MMP17: variants seen among roughly 807,000 people sequenced by gnomAD.
MMP17 encodes matrix metalloproteinase-17.
A neutral mutation model predicts 49.1 loss-of-function variants in MMP17; 54 were observed. That is an observed-to-expected ratio of 1.10 (90% CI 0.88 to 1.38). The LOEUF (loss-of-function observed/expected upper bound fraction) is 1.38. Ranked by LOEUF, MMP17 falls within the 40% of genes most tolerant of loss-of-function variation. MMP17 has a pLI of 0.00. For synonymous variants in MMP17, 397 were observed against 383.1 expected (o/e 1.04, Z -0.42); for missense variants, 837 against 853.7 (o/e 0.98, Z 0.24).
At chr12:131,839,693 A>G (rs1301516282) in intron 3 of MMP17, among the ~76,000 whole-genome samples, 1 of 152,162 alleles carries the variant, frequency 6.6e-6, no homozygotes, top group Non-Finnish European at 1.5e-5. Context: ...CACGCCTGTA[A>G]TCATGGCACT....
At chr12:131,850,084 C>T in intron 9 of MMP17, 25 bp downstream of exon 9, 1 of 1,584,256 alleles carries the variant, frequency 6.3e-7, no homozygotes, top group African/African-American at 1.3e-5. Flanking sequence ...GGGGGACGGG[C>T]CATGCGGCCT....
At chr12:131,841,876 C>G (rs760129707) in intron 5 of MMP17, 76 bp downstream of exon 5, 1 of 1,449,842 alleles carries the variant, frequency 6.9e-7, no homozygotes, top group Non-Finnish European at 9.2e-7. Context: ...TGAGCAGAGC[C>G]CCCCCGGGAG....
At position 131,846,268 on chromosome 12, in the gene MMP17, G is replaced by A. The variant is rs1281543727; in HGVS notation, c.1204+819G>A. Among the ~76,000 whole-genome samples, 2 of 152,140 alleles carry A rather than the reference G, an allele frequency of 1.3e-5. No individual in the cohort carries two copies. The highest frequency in any genetic ancestry group is 2.1e-4 in the South Asian group (1 of 4,820). On this transcript the variant is annotated intron_variant, in intron 8 of 9. Coordinates refer to ENST00000360564, the MANE Select transcript of MMP17 (RefSeq NM_016155.7). The surrounding 1 kb of genome is among the most constrained non-coding windows in gnomAD (Gnocchi z 4.6). ...TGTCACCCTCAGCCACATCCCTCCT[G>A]CCACCGCCTCTGTCTCCACCCGGCC... is the stretch of plus-strand genomic sequence containing the variant.
intron 4 of MMP17, 86 bp downstream of exon 4, chr12:131,840,942 A>G (rs1593230517): frequency 2.1e-6 from 3 of 1,413,060 alleles, no homozygotes; most frequent in South Asian, 1.4e-5. Flanking sequence ...CCCATCCCCA[A>G]CCCTGCGGCT....
At chr12:131,842,249 G>A (rs1020030599) in intron 5 of MMP17, among the ~76,000 whole-genome samples, 1 of 152,162 alleles carries the variant, frequency 6.6e-6, no homozygotes. Flanking sequence ...GTGAGGCAGA[G>A]CCCCTGTCCT....
intron 4 of MMP17, 22 bp from the exon 5 acceptor site, chr12:131,841,602 A>T (rs187916137): frequency 1.9e-6 from 3 of 1,613,638 alleles, no homozygotes; most frequent in African/African-American, 1.3e-5. Flanking sequence ...CCCTTAGTTC[A>T]CATGGCTCCC....
At position 131,845,201 on chromosome 12, in the gene MMP17, G is replaced by C; in HGVS notation, c.1051+1G>C. The C allele has an allele frequency of 1.2e-6, 2 of 1,613,990 alleles. No homozygotes were observed. Among genetic ancestry groups the C allele is most frequent in the Non-Finnish European group, 1.7e-6 (2 of 1,179,930 alleles). On this transcript the variant is annotated splice_donor_variant, in intron 7 of 9. Coordinates refer to ENST00000360564, the MANE Select transcript of MMP17 (RefSeq NM_016155.7). LOFTEE classifies it high-confidence loss of function. ...CGGGGTGAAGCTTTCTTCTTCAAAG[G>C]TACCTCCAGGGTTCCCGTGGCGGTT...
At position 131,838,056 on chromosome 12, in the gene MMP17, A is replaced by G. The variant is rs1243065234; in HGVS notation, c.160-139A>G. The G allele has an allele frequency of 6.4e-6, 7 of 1,091,298 alleles. No homozygotes were observed. The East Asian group carries it at 1.5e-4, about 23-fold the overall frequency. The allele number at this position is 1,091,298 out of a possible 1,614,324, so 67.6% of individuals were successfully genotyped here. On this transcript the variant is annotated intron_variant, in intron 1 of 9. Transcript: ENST00000360564. ...ACACTTTTCCGGCAGCTGCCCAGGG[A>G]AGAGACAAGAGGTGCCTTGTGGGCA...
In MMP17 at chr12:131,846,976, C is replaced by T. The variant is rs1887734793; in HGVS notation, c.1204+1527C>T. Among the ~76,000 whole-genome samples, 1 of 152,060 alleles carries T rather than the reference C, an allele frequency of 6.6e-6. No individual in the cohort carries two copies. The highest frequency in any genetic ancestry group is 1.5e-5 in the Non-Finnish European group (1 of 67,990). On this transcript the variant is annotated intron_variant, in intron 8 of 9. Transcript: ENST00000360564. The surrounding 1 kb of genome is among the most constrained non-coding windows in gnomAD (Gnocchi z 4.6). ...GTGACTGTTCCCGGAGGCCTGATCC[C>T]TCCTGAAGGGACAGAGGCTGCAGCT...
intron 8 of MMP17, among the ~76,000 whole-genome samples, chr12:131,849,178 T>G (rs1352997557): frequency 6.6e-6 from 1 of 152,178 alleles, no homozygotes; most frequent in Non-Finnish European, 1.5e-5. Flanking sequence ...CCATCTATAT[T>G]TCTTGGGAGA....
chr12:131,830,847 C>T (rs1358842704), intron 1 of MMP17, among the ~76,000 whole-genome samples: 1 of 152,208 alleles, frequency 6.6e-6, no homozygotes, highest in African/African-American at 2.4e-5. Flanking sequence ...GAGCCCCCGG[C>T]GGGGACAAAA....
chr12:131,848,470 A>G (rs1427567877), intron 8 of MMP17, among the ~76,000 whole-genome samples: 2 of 152,206 alleles, frequency 1.3e-5, no homozygotes, highest in African/African-American at 4.8e-5. Flanking sequence ...CGGTGGCATG[A>G]AGCACGTTCA....
At chr12:131,833,878 C>T (rs1007972586) in intron 1 of MMP17, among the ~76,000 whole-genome samples, 1 of 152,210 alleles carries the variant, frequency 6.6e-6, no homozygotes, top group Non-Finnish European at 1.5e-5. Context: ...ACCCAAAGCC[C>T]GGGGACGGGG....
chr12:131,850,894 C>A, intron 9 of MMP17, 31 bp from the exon 10 acceptor site: 5 of 1,434,878 alleles, frequency 3.5e-6, no homozygotes, highest in Non-Finnish European at 4.6e-6. Flanking sequence ...TGCAGCCCTC[C>A]CCTGAGCTCA....
At chr12:131,841,319 C>T (rs1028703597) in intron 4 of MMP17, among the ~76,000 whole-genome samples, 1 of 152,224 alleles carries the variant, frequency 6.6e-6, no homozygotes, top group Non-Finnish European at 1.5e-5. Flanking sequence ...GTCATCCGAC[C>T]GACACCTGGC....
Position 131,844,758 on chromosome 12 carries a change from C to T in MMP17, c.969-360C>T, listed in dbSNP as rs1887605113. On this transcript the variant is annotated intron_variant, in intron 6 of 9. Transcript: ENST00000360564. ...CAGCCACGTCGCTGTGAACACGCTT[C>T]TTGTAGGACCGAATTCTAGGCCCGG... is the stretch of plus-strand genomic sequence containing the variant. 9.2e-6 allele frequency: 3 copies of T among 324,940 alleles called. No individual in the cohort carries two copies. The South Asian group carries it at 1.1e-4, about 12-fold the overall frequency. 20.1% of individuals were successfully genotyped at this position (324,940 alleles called of 1,614,324 possible). A position where few individuals can be genotyped will look rare whatever the true frequency, so the allele number is the denominator to read the frequency against.
At position 131,851,729 on chromosome 12, in the gene MMP17, C is replaced by G. The variant is rs1372482806; in HGVS notation, c.*455C>G. 1.2e-5 allele frequency: 2 copies of G among 161,036 alleles called. No individual in the cohort carries two copies. The highest frequency in any genetic ancestry group is 2.7e-5 in the Non-Finnish European group (2 of 74,340). 10.0% of individuals were successfully genotyped at this position (161,036 alleles called of 1,614,324 possible). On this transcript the variant is annotated 3_prime_UTR_variant, in exon 10 of 10. Coordinates refer to ENST00000360564, the MANE Select transcript of MMP17 (RefSeq NM_016155.7). ...CCCCACATGGTGCCGCGGCACGTCC[C>G]CCCTGTGACGCGTTCCAGACCAACA...
intron 1 of MMP17, among the ~76,000 whole-genome samples, chr12:131,830,229 C>T (rs548582331): frequency 3.9e-5 from 6 of 152,236 alleles, no homozygotes; most frequent in Non-Finnish European, 2.9e-5. Flanking sequence ...CCCCCCTGCC[C>T]GGAGAGAGTG....
intron 6 of MMP17, 117 bp downstream of exon 6, chr12:131,844,198 C>A: frequency 1.3e-6 from 1 of 797,732 alleles, no homozygotes; most frequent in Non-Finnish European, 2.0e-6. Context: ...AGCTGTGTGG[C>A]CGACTGAGCC....
Sources: allele counts gnomAD v4.1 joint callset (sites outside exome capture counted in the v4.1 genomes callset), GRCh38; gene constraint gnomAD v4.1.1; non-coding constraint Gnocchi (gnomAD v3.1); transcripts MANE v1.5; gene names NCBI Gene and HGNC (gene_info 2026-07-23, HGNC 2026-07-21).